Variants in C7 observed in about 807,000 individuals in gnomAD.
The protein encoded by C7 is complement component C7.
C7 carries 83 observed loss-of-function variants against 104.8 expected under a neutral mutation model. That is an observed-to-expected ratio of 0.79 (90% CI 0.66 to 0.95). C7 has a LOEUF of 0.95. Ranked by LOEUF, C7 falls within the 40% of genes least tolerant of loss-of-function variation. The pLI, the probability that C7 is intolerant of heterozygous loss-of-function variation, is 0.00. For synonymous variants in C7, 415 were observed against 360.6 expected, an observed-to-expected ratio of 1.15 and a Z score of -1.71; for missense variants, 1,070 against 1,011.2, an observed-to-expected ratio of 1.06 and a Z score of -0.79.
At chr5:40,972,641 T>A (rs1228288196) in intron 15 of C7, 47 bp downstream of exon 15, 1 of 1,485,588 alleles carries the variant, frequency 6.7e-7, no homozygotes, top group Non-Finnish European at 9.1e-7. Flanking sequence ...CCCAGGCAAG[T>A]GAGAGTCCTT....
At chr5:40,950,223 G>T (rs941625936) in intron 9 of C7, among the ~76,000 whole-genome samples, 10 of 131,684 alleles carry the variant, frequency 7.6e-5, no homozygotes, top group Non-Finnish European at 8.6e-5. Context: ...TCTCCAAAAT[G>T]CCCCAGTGTG....
In C7 at chr5:40,981,410, T is replaced by A; in HGVS notation, c.2369T>A (p.Val790Asp). The change falls in exon 18 of 18, where the codon GTC becomes GAC. Residue 790 changes from valine (V) to aspartate (D), a missense_variant. Transcript: ENST00000313164. ...TTTCCAGCTGAGAGCAGCAAATGTGTCTGCCGAGAAGCATCGGAGTGCGAG... is the reference window on the plus strand; with the variant it reads ...TTTCCAGCTGAGAGCAGCAAATGTGACTGCCGAGAAGCATCGGAGTGCGAG... ...GKCDAESSKC[V>D]CREASECEEE... is the part of the protein sequence containing the mutation. 1 of 1,612,420 alleles carries A rather than the reference T, an allele frequency of 6.2e-7. No individual in the cohort carries two copies. The highest frequency in any genetic ancestry group is 1.1e-5 in the South Asian group (1 of 90,606).
chr5:40,975,643 C>T (rs1486166659), intron 15 of C7, among the ~76,000 whole-genome samples: 2 of 152,232 alleles, frequency 1.3e-5, no homozygotes, highest in East Asian at 1.9e-4. Context: ...AGATTACGGG[C>T]GTGAGCCACC....
rs1020814602 is a variant in C7 at position 40,937,754 on chromosome 5, A to G, written c.567+64A>G. The G allele has an allele frequency of 3.8e-6, 5 of 1,316,018 alleles. No individual in the cohort carries two copies. The African/African-American group carries it at 6.0e-5, about 16-fold the overall frequency. The allele number at this position is 1,316,018 out of a possible 1,614,324, so 81.5% of individuals were successfully genotyped here. ...AGAGAGCATTATTTATATGATATTG[A>G]CTTTTACGTATTTGTTGAGAATTTA... On this transcript the variant is annotated intron_variant, in intron 6 of 17. Transcript: ENST00000313164.
chr5:40,938,942 C>A (rs1448527089), intron 6 of C7, among the ~76,000 whole-genome samples: 1 of 152,182 alleles, frequency 6.6e-6, no homozygotes, highest in African/African-American at 2.4e-5. Context: ...ACTTCCACAG[C>A]CTCAACACAA....
chr5:40,915,108 C>T (rs1036403309), intron 1 of C7, among the ~76,000 whole-genome samples: 11 of 152,128 alleles, frequency 7.2e-5, no homozygotes, highest in African/African-American at 2.7e-4. Context: ...TCATTTGTGC[C>T]AGAGTACAGT....
intron 16 of C7, among the ~76,000 whole-genome samples, chr5:40,978,751 G>A (rs1416794745): frequency 6.6e-6 from 1 of 151,938 alleles, no homozygotes; most frequent in Non-Finnish European, 1.5e-5. Context: ...TGACAGTAAT[G>A]CCCTCCTTGT....
intron 6 of C7, among the ~76,000 whole-genome samples, chr5:40,942,886 T>C (rs1315175554): frequency 6.6e-6 from 1 of 151,916 alleles, no homozygotes; most frequent in African/African-American, 2.4e-5. Flanking sequence ...TGGTTCAGCC[T>C]CCCGAGTAGC....
At chr5:40,976,524 C>T (rs991991793) in intron 15 of C7, 12 of 321,012 alleles carry the variant, frequency 3.7e-5, no homozygotes, top group South Asian at 3.0e-4. Context: ...TAAATGTTCA[C>T]GAGATGGTAG....
chr5:40,958,338 GCTT>G, intron 11 of C7, 77 bp downstream of exon 11: 1 of 842,240 alleles, frequency 1.2e-6, no homozygotes, highest in East Asian at 2.6e-5. Context: ...TCCTTGAGAT[GCTT>G]CTTTGTGTAT....
chr5:40,940,035 C>A lies in C7; in HGVS notation c.567+2345C>A, dbSNP rs558391492. ...GTGGAAGCCACAGGCAGTGAGTCAG[C>A]CATGCAAATGCTAAACTCAGGTGTG... On this transcript the variant is annotated intron_variant, in intron 6 of 17. Transcript: ENST00000313164. 2.0e-5 allele frequency among the ~76,000 whole-genome samples: 3 copies of A among 152,138 alleles called. No homozygotes were observed. In the South Asian group the frequency reaches 6.2e-4, roughly 32 times the overall value.
chr5:40,926,980 C>A (rs1739567313), intron 1 of C7, among the ~76,000 whole-genome samples: 1 of 152,100 alleles, frequency 6.6e-6, no homozygotes, highest in African/African-American at 2.4e-5. Flanking sequence ...AGGTGTTACT[C>A]TGCCTGATTT....
At chr5:40,921,443 CAT>C (rs1201303387) in intron 1 of C7, among the ~76,000 whole-genome samples, 4 of 151,882 alleles carry the variant, frequency 2.6e-5, no homozygotes, top group South Asian at 2.1e-4. Flanking sequence ...TATTCACAGA[CAT>C]AGAAAAAATT....
intron 6 of C7, among the ~76,000 whole-genome samples, chr5:40,939,108 C>A (rs1200864686): frequency 1.3e-5 from 2 of 152,148 alleles, no homozygotes; most frequent in African/African-American, 4.8e-5. Flanking sequence ...ACCCAAACTA[C>A]TGAAATGTTC....
chr5:40,958,132 C>A lies in C7; in HGVS notation c.1360C>A (p.Pro454Thr), dbSNP rs775084416. Residue 454 changes from proline to threonine, a missense_variant, in exon 11 of 18, where the codon CCC becomes ACC. Pro to Thr is a conservative substitution (Grantham distance 38). Transcript: ENST00000313164. The stretch of plus-strand genomic sequence containing the variant: ...TGAAGAGTATCTGGATGAATTTGAC[C>A]CCTGTCATTGCCGGCCTTGTCAAAA... ...ALEEYLDEFD[P>T]CHCRPCQNGG... 6 of 1,613,702 alleles carry A rather than the reference C, an allele frequency of 3.7e-6. No homozygotes were observed. Among genetic ancestry groups the A allele is most frequent in the Non-Finnish European group, 5.1e-6 (6 of 1,179,734 alleles).
At chr5:40,974,154 AT>A (rs879414430) in intron 15 of C7, among the ~76,000 whole-genome samples, 9 of 151,920 alleles carry the variant, frequency 5.9e-5, no homozygotes, top group African/African-American at 1.4e-4. Flanking sequence ...CCATCACCAC[AT>A]TTTTTTTCAT....
intron 6 of C7, among the ~76,000 whole-genome samples, chr5:40,943,913 T>C (rs1355259926): frequency 6.6e-6 from 1 of 152,122 alleles, no homozygotes; most frequent in African/African-American, 2.4e-5. Context: ...TTTCTGGTAT[T>C]TTGGTGTATT....
At chr5:40,949,690 C>T (rs1216336100) in intron 8 of C7, among the ~76,000 whole-genome samples, 1 of 152,130 alleles carries the variant, frequency 6.6e-6, no homozygotes, top group Admixed American at 6.6e-5. Flanking sequence ...GAAATCTCTT[C>T]TGCCTCCCCT....
At chr5:40,934,211 G>GT (rs1739757590) in intron 3 of C7, 114 bp from the exon 4 acceptor site, 1 of 1,110,250 alleles carries the variant, frequency 9.0e-7, no homozygotes. Context: ...TCCAGACGTT[G>GT]TTTTTCTAAT....
Sources: allele counts gnomAD v4.1 joint callset (sites outside exome capture counted in the v4.1 genomes callset), GRCh38; gene constraint gnomAD v4.1.1; transcripts MANE v1.5; gene names NCBI Gene and HGNC (gene_info 2026-07-23, HGNC 2026-07-21).